FAM107B: variants seen among roughly 807,000 people sequenced by gnomAD.
The protein encoded by FAM107B is family with sequence similarity 107 member B.
Under a neutral mutation model 31.5 loss-of-function variants are expected in FAM107B, and 21 were observed. The observed-to-expected ratio is 0.67, with a 90% CI of 0.47 to 0.96. The LOEUF is 0.96. Among genes scored for constraint, FAM107B ranks in the 40% least tolerant of loss-of-function variants. FAM107B has a pLI of 0.00. For synonymous variants in FAM107B, 157 were observed against 141.5 expected (o/e 1.11, Z -0.78); for missense variants, 452 against 377.1 (o/e 1.20, Z -1.64).
intron 2 of FAM107B, among the ~76,000 whole-genome samples, chr10:14,561,034 T>C (rs1850197146): frequency 6.6e-6 from 1 of 152,202 alleles, no homozygotes; most frequent in Admixed American, 6.5e-5. Flanking sequence ...TGAGTCAAGC[T>C]ACAACGAAAC....
intron 1 of FAM107B, among the ~76,000 whole-genome samples, chr10:14,761,483 T>C (rs1833046569): frequency 6.6e-6 from 1 of 152,242 alleles, no homozygotes; most frequent in Non-Finnish European, 1.5e-5. Context: ...CATTGGGGCT[T>C]TTTATAAGTG....
At chr10:14,770,097 T>C (rs1833267019) in intron 1 of FAM107B, among the ~76,000 whole-genome samples, 1 of 152,194 alleles carries the variant, frequency 6.6e-6, no homozygotes, top group South Asian at 2.1e-4. Context: ...ACTGCATTGA[T>C]TCTGCCTGTT....
intron 2 of FAM107B, among the ~76,000 whole-genome samples, chr10:14,584,466 A>G (rs1851758754): frequency 6.6e-6 from 1 of 152,210 alleles, no homozygotes; most frequent in South Asian, 2.1e-4. Context: ...ATAAACAAAA[A>G]AGTCTCAAAA....
At chr10:14,681,979 T>TA in intron 1 of FAM107B, among the ~76,000 whole-genome samples, 1 of 152,316 alleles carries the variant, frequency 6.6e-6, no homozygotes, top group African/African-American at 2.4e-5. Context: ...TTTCAATATT[T>TA]TAACAGTGCA....
intron 1 of FAM107B, among the ~76,000 whole-genome samples, chr10:14,748,377 C>A (rs1832766879): frequency 6.6e-6 from 1 of 152,186 alleles, no homozygotes; most frequent in Non-Finnish European, 1.5e-5. Flanking sequence ...CCTTCTATGT[C>A]TATGGAATTC....
intron 2 of FAM107B, among the ~76,000 whole-genome samples, chr10:14,579,289 G>A (rs1564583983): frequency 6.6e-6 from 1 of 152,230 alleles, no homozygotes; most frequent in East Asian, 1.9e-4. Flanking sequence ...TCCTTGAACA[G>A]AGGAAGGCAC....
In FAM107B at chr10:14,531,364, T is replaced by C. The variant is rs184457512; in HGVS notation, c.470-849A>G. The stretch of plus-strand genomic sequence containing the variant: ...CAAGACCCCATATGTTTAAAAAACA[T>C]TGGAAATGCCCTGGGCATAGTGGTA... On this transcript the variant is annotated intron_variant, in intron 2 of 4. Transcript: ENST00000181796. Among the ~76,000 whole-genome samples the C allele has an allele frequency of 2.0e-3, 295 of 150,268 alleles. 1 individual carries two copies. Among genetic ancestry groups the C allele is most frequent in the African/African-American group, 6.8e-3 (276 of 40,740 alleles).
At chr10:14,751,265 G>A (rs773671238) in intron 1 of FAM107B, among the ~76,000 whole-genome samples, 35 of 152,306 alleles carry the variant, frequency 2.3e-4, no homozygotes, top group African/African-American at 7.7e-4. Flanking sequence ...TTATTAAAAC[G>A]AGAGGACGTT....
At chr10:14,596,222 T>A (rs1852184560) in intron 2 of FAM107B, among the ~76,000 whole-genome samples, 1 of 150,044 alleles carries the variant, frequency 6.7e-6, no homozygotes, top group African/African-American at 2.5e-5. Context: ...AGGAGCCTCA[T>A]CCTAATAAAA....
intron 2 of FAM107B, among the ~76,000 whole-genome samples, chr10:14,580,609 AG>A (rs2131303418): frequency 6.6e-6 from 1 of 152,344 alleles, no homozygotes; most frequent in Admixed American, 6.5e-5. Flanking sequence ...ATGTTACACA[AG>A]GAACAGCGCA....
At chr10:14,632,598 A>G (rs2400087) in intron 2 of FAM107B, among the ~76,000 whole-genome samples, 72,231 of 144,764 alleles carry the variant, frequency 0.5, 18,820 homozygotes, top group East Asian at 0.85. Context: ...GCAACAAGGC[A>G]AGACTCTGTC....
intron 1 of FAM107B, among the ~76,000 whole-genome samples, chr10:14,734,201 C>A (rs1055282601): frequency 6.6e-6 from 1 of 152,182 alleles, no homozygotes; most frequent in Non-Finnish European, 1.5e-5. Flanking sequence ...CACATTGAAT[C>A]AAAGATCCAT....
chr10:14,531,410 C>T (rs1846980095), intron 2 of FAM107B, among the ~76,000 whole-genome samples: 1 of 152,040 alleles, frequency 6.6e-6, no homozygotes, highest in Non-Finnish European at 1.5e-5. Context: ...GTCTCAGCTA[C>T]TCAGGAGGCT....
chr10:14,594,659 A>G (rs1386546809), intron 2 of FAM107B, among the ~76,000 whole-genome samples: 1 of 152,182 alleles, frequency 6.6e-6, no homozygotes, highest in Non-Finnish European at 1.5e-5. Context: ...AAGAAGGCCC[A>G]AGTCTGATCC....
chr10:14,735,788 G>C (rs558990576), intron 1 of FAM107B, among the ~76,000 whole-genome samples: 109 of 152,278 alleles, frequency 7.2e-4, no homozygotes, highest in African/African-American at 2.3e-3. Flanking sequence ...CGATTGTCCA[G>C]CTTTACTGAG....
intron 1 of FAM107B, among the ~76,000 whole-genome samples, chr10:14,745,104 T>C (rs1832698639): frequency 1.3e-5 from 2 of 152,210 alleles, no homozygotes; most frequent in African/African-American, 4.8e-5. Flanking sequence ...GAGGTGTTTA[T>C]AGGATTCTCT....
chr10:14,571,113 G>A (rs575487983), intron 2 of FAM107B, among the ~76,000 whole-genome samples: 3 of 152,222 alleles, frequency 2.0e-5, no homozygotes, highest in South Asian at 2.1e-4. Context: ...CTGGCACACA[G>A]CCACCTTCTG....
chr10:14,578,072 C>T (rs1451370370), intron 2 of FAM107B, among the ~76,000 whole-genome samples: 5 of 152,124 alleles, frequency 3.3e-5, no homozygotes, highest in Non-Finnish European at 7.4e-5. Flanking sequence ...CATCCAGAGC[C>T]AGGGCGTGCG....
In FAM107B at chr10:14,767,045, TATATATATATAGAGAGAGAG is replaced by T. The variant is rs1327792946; in HGVS notation, c.411+7188_411+7207del. The stretch of plus-strand genomic sequence containing the variant: ...GTATGTATATATATATATATATATA[TATATATATATAGAGAGAGAG>T]AGAGAGAGAGAGAGAGAGAGAGAGA... On this transcript the variant is annotated intron_variant, in intron 1 of 4. Transcript: ENST00000181796. 7.6e-3 allele frequency among the ~76,000 whole-genome samples: 298 copies of T among 39,016 alleles called. 5 individuals are homozygous for T. In the East Asian group the frequency reaches 0.15, roughly 19 times the overall value. 25.6% of individuals were successfully genotyped at this position (39,016 alleles called of 152,430 possible). A position where few individuals can be genotyped will look rare whatever the true frequency, so the allele number is the denominator to read the frequency against.
Sources: allele counts gnomAD v4.1 joint callset (sites outside exome capture counted in the v4.1 genomes callset), GRCh38; gene constraint gnomAD v4.1.1; transcripts MANE v1.5; gene names NCBI Gene and HGNC (gene_info 2026-07-23, HGNC 2026-07-21).